The following NTRK3 variants were observed in gnomAD, a reference collection of about 807,000 sequenced individuals.
NTRK3 encodes NT-3 growth factor receptor.
NTRK3 carries 24 observed loss-of-function variants against 91.7 expected under a neutral mutation model. The observed-to-expected ratio is 0.26, with a 90% confidence interval of 0.19 to 0.37. The LOEUF (loss-of-function observed/expected upper bound fraction) is 0.37, where lower values mean the gene tolerates loss of function less well. Ranked by LOEUF, NTRK3 falls within the 10% of genes least tolerant of loss-of-function variation. The pLI, the probability that NTRK3 is intolerant of heterozygous loss-of-function variation, is 1.00. For missense variants in NTRK3, 880 were observed against 1,068.9 expected (o/e 0.82, Z 2.46); for synonymous variants, 483 against 404.0 (o/e 1.20, Z -2.34).
In NTRK3 at chr15:88,227,658, T is replaced by C. The variant is rs139593604; in HGVS notation, c.248+28248A>G. ...AACGGTGAGGAATCCACTTCTTCTG[T>C]TTAAGACACCCAGTCTGTGGGACTT... On this transcript the variant is annotated intron_variant, in intron 3 of 18. Transcript: ENST00000394480. Among the ~76,000 whole-genome samples, 741 of 152,212 alleles carry C rather than the reference T, an allele frequency of 4.9e-3. 6 individuals are homozygous for C. The highest frequency in any genetic ancestry group is 6.7e-3 in the Non-Finnish European group (458 of 67,996).
At chr15:87,867,320 C>T in exon 19 of NTRK3, 1 of 227,046 alleles carries the variant, frequency 4.4e-6, no homozygotes, top group Middle Eastern at 1.3e-3. Flanking sequence ...CCTGGCTTTT[C>T]CCTGGCCTTA....
chr15:88,029,522 G>A (rs1011260207), intron 14 of NTRK3, among the ~76,000 whole-genome samples: 1 of 152,188 alleles, frequency 6.6e-6, no homozygotes, highest in African/African-American at 2.4e-5. Flanking sequence ...CCATCACTGG[G>A]GGGATGGGGA....
In NTRK3 at chr15:88,241,670, AC is replaced by A; in HGVS notation, c.248+14235del. ...GGAAGCGGGGCTACCCTTCAATACC[AC>A]GTGGAGCTACTCTCTTCATCTGACC... On this transcript the variant is annotated intron_variant, in intron 3 of 18. Coordinates refer to ENST00000394480, the Ensembl canonical transcript of NTRK3. This position sits in a 1 kb window ranked among gnomAD's most constrained non-coding sequence, Gnocchi z 4.3. Among the ~76,000 whole-genome samples, 1 of 152,158 alleles carries A rather than the reference AC, an allele frequency of 6.6e-6. No individual in the cohort carries two copies. The highest frequency in any genetic ancestry group is 2.1e-4 in the South Asian group (1 of 4,822).
At chr15:88,025,665 G>T (rs1049768986) in intron 14 of NTRK3, among the ~76,000 whole-genome samples, 1 of 152,204 alleles carries the variant, frequency 6.6e-6, no homozygotes, top group African/African-American at 2.4e-5. Flanking sequence ...TCAGAGGGAG[G>T]ATGGCCCTGT....
intron 17 of NTRK3, among the ~76,000 whole-genome samples, chr15:87,924,186 C>T (rs1283336486): frequency 6.6e-6 from 1 of 152,120 alleles, no homozygotes; most frequent in Non-Finnish European, 1.5e-5. Context: ...AAGTAACTTG[C>T]CGAAGGTCAT....
exon 19 of NTRK3, chr15:87,865,152 T>A (rs1417066210): frequency 4.8e-6 from 1 of 210,346 alleles, no homozygotes; most frequent in East Asian, 7.2e-5. Context: ...TATGCAGCTT[T>A]ATTCTGATTT....
chr15:88,107,035 T>C (rs553705980), intron 13 of NTRK3, among the ~76,000 whole-genome samples: 3 of 104,698 alleles, frequency 2.9e-5, no homozygotes, highest in East Asian at 4.3e-4. Flanking sequence ...TTTACATATA[T>C]GTATTCACAC....
chr15:87,896,924 G>A (rs183462715), intron 17 of NTRK3, among the ~76,000 whole-genome samples: 3 of 152,248 alleles, frequency 2.0e-5, no homozygotes, highest in East Asian at 1.9e-4. Flanking sequence ...TCTCAGCCCC[G>A]GGTCTAGTAG....
At position 88,235,494 on chromosome 15, in the gene NTRK3, T is replaced by G. The variant is rs2051633503; in HGVS notation, c.248+20412A>C. 1.3e-5 allele frequency among the ~76,000 whole-genome samples: 2 copies of G among 152,138 alleles called. No homozygotes were observed. Among genetic ancestry groups the G allele is most frequent in the Non-Finnish European group, 2.9e-5 (2 of 68,020 alleles). ...AAGCCCAGGGGAGTTGCCTTTCTGGTGGGACCAGGCCCTCTTCGAGTGGCA... is the reference window on the plus strand; with the variant it reads ...AAGCCCAGGGGAGTTGCCTTTCTGGGGGGACCAGGCCCTCTTCGAGTGGCA... On this transcript the variant is annotated intron_variant, in intron 3 of 18. Transcript: ENST00000394480. This position sits in a 1 kb window ranked among gnomAD's most constrained non-coding sequence, Gnocchi z 5.2.
chr15:88,168,328 G>A (rs2045182881), intron 5 of NTRK3, among the ~76,000 whole-genome samples: 1 of 152,028 alleles, frequency 6.6e-6, no homozygotes, highest in African/African-American at 2.4e-5. Flanking sequence ...GCAGAGGTCT[G>A]CACCAATGAG....
At chr15:88,127,903 C>T (rs1442028521) in intron 11 of NTRK3, among the ~76,000 whole-genome samples, 1 of 152,196 alleles carries the variant, frequency 6.6e-6, no homozygotes. Context: ...AGAATCACCT[C>T]CTTGACAAGA....
At chr15:88,181,537 C>T (rs942580931) in intron 5 of NTRK3, among the ~76,000 whole-genome samples, 1 of 152,172 alleles carries the variant, frequency 6.6e-6, no homozygotes, top group Non-Finnish European at 1.5e-5. Context: ...GGTTCTGAGG[C>T]CTGAGCACCC....
chr15:88,204,204 T>A (rs1292831530), intron 3 of NTRK3, among the ~76,000 whole-genome samples: 3 of 152,188 alleles, frequency 2.0e-5, no homozygotes, highest in African/African-American at 4.8e-5. Flanking sequence ...AACTCTCTCC[T>A]CCATTGGATT....
At chr15:88,136,324 G>T in intron 8 of NTRK3, 143 bp downstream of exon 8, 2 of 1,135,048 alleles carry the variant, frequency 1.8e-6, no homozygotes, top group South Asian at 1.3e-5. Context: ...GAGCGAAATG[G>T]CTAGAAAATA....
At chr15:88,129,984 C>T (rs1293730347) in intron 10 of NTRK3, among the ~76,000 whole-genome samples, 3 of 152,160 alleles carry the variant, frequency 2.0e-5, no homozygotes, top group South Asian at 2.1e-4. Context: ...TCAACACACA[C>T]GCACAGAGGG....
chr15:87,943,493 C>T (rs1409278243), intron 14 of NTRK3, among the ~76,000 whole-genome samples: 1 of 152,052 alleles, frequency 6.6e-6, no homozygotes, highest in Non-Finnish European at 1.5e-5. Context: ...CTACAAAAGG[C>T]AAAACAATAT....
intron 13 of NTRK3, among the ~76,000 whole-genome samples, chr15:88,120,600 A>T (rs2052600475): frequency 6.6e-6 from 1 of 152,126 alleles, no homozygotes. Flanking sequence ...TAAATGAAGG[A>T]AGTTCTTGGA....
At chr15:87,967,471 T>A (rs370110272) in intron 14 of NTRK3, among the ~76,000 whole-genome samples, 1 of 152,164 alleles carries the variant, frequency 6.6e-6, no homozygotes, top group African/African-American at 2.4e-5. Flanking sequence ...GGCACTCCCA[T>A]AGGTCCTGGC....
At chr15:87,995,974 T>C (rs1411615371) in intron 14 of NTRK3, among the ~76,000 whole-genome samples, 2 of 152,222 alleles carry the variant, frequency 1.3e-5, no homozygotes, top group Admixed American at 6.5e-5. Flanking sequence ...CTGGGTGTGA[T>C]GGTTCATGCT....
Sources: gnomAD v4.1 joint callset for allele counts (sites outside exome capture counted in the v4.1 genomes callset) on GRCh38, gnomAD v4.1.1 for gene constraint, Gnocchi (gnomAD v3.1) non-coding constraint, MANE v1.5 for transcripts, NCBI Gene and HGNC (gene_info 2026-07-23, HGNC 2026-07-21) for gene names.